The following PPFIA2 variants were observed in gnomAD, a reference collection of about 807,000 sequenced individuals.
PPFIA2 encodes the protein PPFI scaffold protein A2, also known as liprin-alpha-2.
In PPFIA2, 46 loss-of-function variants were observed where a neutral mutation model predicts 175.5. The ratio of observed to expected loss-of-function variants is 0.26; its 90% confidence interval spans 0.21 to 0.34. PPFIA2 has a LOEUF of 0.34. Ranked by LOEUF, PPFIA2 falls within the 10% of genes least tolerant of loss-of-function variation. The pLI is 1.00. For synonymous variants in PPFIA2, 568 were observed against 511.4 expected (o/e 1.11, Z -1.49); for missense variants, 1,179 against 1,506.1 (o/e 0.78, Z 3.60).
intron 4 of PPFIA2, among the ~76,000 whole-genome samples, chr12:81,580,324 C>A (rs2074217786): frequency 2.0e-5 from 3 of 151,654 alleles, no homozygotes; most frequent in African/African-American, 7.3e-5. Context: ...AATCCCTTGT[C>A]CAGAAGGTGG....
intron 4 of PPFIA2, among the ~76,000 whole-genome samples, chr12:81,501,668 G>C (rs979978496): frequency 1.3e-5 from 2 of 152,102 alleles, no homozygotes; most frequent in Non-Finnish European, 2.9e-5. Context: ...AATAATGCTA[G>C]CCAGCTAATA....
intron 3 of PPFIA2, among the ~76,000 whole-genome samples, chr12:81,718,888 G>A (rs1007304049): frequency 4.0e-5 from 6 of 151,516 alleles, no homozygotes; most frequent in Non-Finnish European, 5.9e-5. Flanking sequence ...ATTTCAGCAC[G>A]TTGGGAAAGG....
chr12:81,272,775 T>G (rs1413829927), intron 28 of PPFIA2, among the ~76,000 whole-genome samples: 1 of 152,180 alleles, frequency 6.6e-6, no homozygotes, highest in Non-Finnish European at 1.5e-5. Flanking sequence ...AGGACTTTTA[T>G]GTTTTTCTGA....
At chr12:81,529,985 A>G (rs886877300) in intron 4 of PPFIA2, among the ~76,000 whole-genome samples, 1 of 152,042 alleles carries the variant, frequency 6.6e-6, no homozygotes, top group Admixed American at 6.6e-5. Context: ...AGTTTTTTAA[A>G]AAAATGATGT....
chr12:81,699,509 T>TC (rs2076262365), intron 3 of PPFIA2, among the ~76,000 whole-genome samples: 1 of 151,422 alleles, frequency 6.6e-6, no homozygotes, highest in Non-Finnish European at 1.5e-5. Context: ...TATAAGCTCT[T>TC]ATTGAAGACA....
chr12:81,523,306 T>G (rs1340841851), intron 4 of PPFIA2, among the ~76,000 whole-genome samples: 2 of 152,216 alleles, frequency 1.3e-5, no homozygotes, highest in Non-Finnish European at 2.9e-5. Context: ...CTAGGACACT[T>G]GTACAAACTA....
intron 4 of PPFIA2, among the ~76,000 whole-genome samples, chr12:81,591,560 CA>C (rs2058675116): frequency 6.6e-6 from 1 of 152,176 alleles, no homozygotes. Flanking sequence ...GGGCCGGGCC[CA>C]GGGTCCTTCT....
At chr12:81,669,434 T>C (rs145947419) in intron 4 of PPFIA2, among the ~76,000 whole-genome samples, 155 of 152,158 alleles carry the variant, frequency 1.0e-3, no homozygotes, top group Middle Eastern at 3.4e-3. Context: ...GGAACTCATA[T>C]GCCAAGTATT....
At chr12:81,714,218 T>C (rs1177177706) in intron 3 of PPFIA2, among the ~76,000 whole-genome samples, 2 of 151,130 alleles carry the variant, frequency 1.3e-5, no homozygotes, top group Non-Finnish European at 2.9e-5. Flanking sequence ...GATACATTCA[T>C]ACACACTTTC....
intron 3 of PPFIA2, among the ~76,000 whole-genome samples, chr12:81,694,276 G>A (rs2075627864): frequency 6.6e-6 from 1 of 152,086 alleles, no homozygotes; most frequent in Non-Finnish European, 1.5e-5. Context: ...AAACTGTGTG[G>A]CAGCCCCTCA....
intron 6 of PPFIA2, among the ~76,000 whole-genome samples, chr12:81,442,136 T>G (rs1003602593): frequency 2.0e-5 from 3 of 152,074 alleles, no homozygotes; most frequent in African/African-American, 7.2e-5. Flanking sequence ...GTTATCGAAT[T>G]TATCCAACAA....
intron 9 of PPFIA2, among the ~76,000 whole-genome samples, chr12:81,381,860 C>A (rs986805748): frequency 1.1e-4 from 16 of 151,950 alleles, no homozygotes; most frequent in African/African-American, 3.9e-4. Context: ...TGATATCATT[C>A]ACACCTTCTG....
At chr12:81,449,577 C>T (rs2052038444) in intron 5 of PPFIA2, among the ~76,000 whole-genome samples, 1 of 151,442 alleles carries the variant, frequency 6.6e-6, no homozygotes, top group Admixed American at 6.6e-5. Context: ...GATTTTATCA[C>T]ACCATTACAT....
In PPFIA2 at chr12:81,344,754, C is replaced by A. The variant is rs534983447; in HGVS notation, c.2233-61G>T. ...TAATTAAGAATTAACAATCATTTGA[C>A]CAAGTTACAATTTTAAATAGTGTCT... On this transcript the variant is annotated intron_variant, in intron 18 of 32. Transcript: ENST00000549396. 909 of 1,289,418 alleles carry A rather than the reference C, an allele frequency of 7.0e-4. 2 individuals carry two copies. Among genetic ancestry groups the A allele is most frequent in the Non-Finnish European group, 9.2e-4 (851 of 925,382 alleles). 79.9% of individuals were successfully genotyped at this position (1,289,418 alleles called of 1,614,324 possible).
At position 81,457,748 on chromosome 12, in the gene PPFIA2, G is replaced by T; in HGVS notation, c.405+17C>A. The T allele has an allele frequency of 1.3e-6, 2 of 1,499,594 alleles. No homozygotes were observed. The highest frequency in any genetic ancestry group is 1.8e-6 in the Non-Finnish European group (2 of 1,096,952). 92.9% of individuals were successfully genotyped at this position (1,499,594 alleles called of 1,614,324 possible). A position where few individuals can be genotyped will look rare whatever the true frequency, so the allele number is the denominator to read the frequency against. ...CTACAAATAGAATTAATTCCAAAAA[G>T]GCTGCTTTACACTTACTCTTGTGTT... On this transcript the variant is annotated intron_variant, in intron 5 of 32. Transcript: ENST00000549396.
Position 81,328,047 on chromosome 12 carries a change from G to A in PPFIA2, c.2549-2177C>T, listed in dbSNP as rs925657226. On this transcript the variant is annotated intron_variant, in intron 21 of 32. Transcript: ENST00000549396. ...GCGCTTAACCAGGAGAAAAGTCCCAGCAAGTGCATATTTTCAGCCCAATTA... is the reference window on the plus strand; with the variant it reads ...GCGCTTAACCAGGAGAAAAGTCCCAACAAGTGCATATTTTCAGCCCAATTA... Among the ~76,000 whole-genome samples, 28 of 152,110 alleles carry A rather than the reference G, an allele frequency of 1.8e-4. 1 individual carries two copies. The highest frequency in any genetic ancestry group is 2.9e-5 in the Non-Finnish European group (2 of 68,028).
At chr12:81,466,078 C>T (rs2055565218) in intron 4 of PPFIA2, among the ~76,000 whole-genome samples, 1 of 152,110 alleles carries the variant, frequency 6.6e-6, no homozygotes, top group African/African-American at 2.4e-5. Flanking sequence ...GGCTAGACAG[C>T]TTGAAGGTAG....
At chr12:81,508,194 T>A (rs912338639) in intron 4 of PPFIA2, among the ~76,000 whole-genome samples, 1 of 152,080 alleles carries the variant, frequency 6.6e-6, no homozygotes, top group Non-Finnish European at 1.5e-5. Flanking sequence ...TCGTGTATTA[T>A]CTGCAAGGAT....
At chr12:81,623,832 C>A (rs560525133) in intron 4 of PPFIA2, among the ~76,000 whole-genome samples, 1 of 151,966 alleles carries the variant, frequency 6.6e-6, no homozygotes, top group Non-Finnish European at 1.5e-5. Flanking sequence ...ACTTAGTATT[C>A]TTTTATCTCC....
Sources: allele counts gnomAD v4.1 joint callset (sites outside exome capture counted in the v4.1 genomes callset), GRCh38; gene constraint gnomAD v4.1.1; transcripts MANE v1.5; gene names NCBI Gene and HGNC (gene_info 2026-07-23, HGNC 2026-07-21).